Variants in SAMD12 observed in about 807,000 individuals in gnomAD.
The protein encoded by SAMD12 is sterile alpha motif domain-containing protein 12.
Under a neutral mutation model 15.0 loss-of-function variants are expected in SAMD12, and 9 were observed. That is an observed-to-expected ratio of 0.60 (90% CI 0.36 to 1.05). The LOEUF (loss-of-function observed/expected upper bound fraction) is 1.05, where lower values mean the gene tolerates loss of function less well. Among genes scored for constraint, SAMD12 ranks in the 50% least tolerant of loss-of-function variants. The pLI is 0.01. For synonymous variants in SAMD12, 86 were observed against 90.1 expected (o/e 0.96, Z 0.25); for missense variants, 230 against 234.2 (o/e 0.98, Z 0.12).
chr8:118,597,352 A>T (rs1403416982), intron 1 of SAMD12, among the ~76,000 whole-genome samples: 1 of 151,604 alleles, frequency 6.6e-6, no homozygotes, highest in African/African-American at 2.4e-5. Flanking sequence ...ACCAGTGCTG[A>T]CTCCCCCTCA....
At chr8:118,429,224 T>C (rs1388684848) in intron 3 of SAMD12, among the ~76,000 whole-genome samples, 1 of 152,234 alleles carries the variant, frequency 6.6e-6, no homozygotes, top group East Asian at 1.9e-4. Flanking sequence ...AGGATTTTTT[T>C]CTTCATATAG....
chr8:118,598,996 A>T (rs879329497), intron 1 of SAMD12, among the ~76,000 whole-genome samples: 1 of 152,172 alleles, frequency 6.6e-6, no homozygotes, highest in Non-Finnish European at 1.5e-5. Context: ...ATTCTTTACT[A>T]AGTCTGATTT....
chr8:118,294,844 T>C (rs530792107), intron 4 of SAMD12, among the ~76,000 whole-genome samples: 2 of 152,194 alleles, frequency 1.3e-5, no homozygotes, highest in East Asian at 1.9e-4. Context: ...TTAATCTGAT[T>C]AACGGGAATT....
intron 4 of SAMD12, among the ~76,000 whole-genome samples, chr8:118,302,025 AC>A (rs1815058783): frequency 6.7e-6 from 1 of 149,746 alleles, no homozygotes. Context: ...ATACACAGAT[AC>A]TAGATTCAGG....
chr8:118,139,432 C>A, the SAMD12 span, among the ~76,000 whole-genome samples: 1 of 152,194 alleles, frequency 6.6e-6, no homozygotes, highest in Admixed American at 6.5e-5. Flanking sequence ...GATCATAGCT[C>A]TCTGCAGACT....
At chr8:118,334,888 C>T (rs953044993) in intron 4 of SAMD12, among the ~76,000 whole-genome samples, 7 of 152,122 alleles carry the variant, frequency 4.6e-5, no homozygotes, top group Non-Finnish European at 7.3e-5. Flanking sequence ...ACACCATGCC[C>T]GGCTCTCCCT....
chr8:118,169,983 A>G, the SAMD12 span, among the ~76,000 whole-genome samples: 2 of 152,206 alleles, frequency 1.3e-5, no homozygotes, highest in Non-Finnish European at 2.9e-5. Context: ...AGGAAATTTC[A>G]TGTTTGTGGT....
intron 4 of SAMD12, among the ~76,000 whole-genome samples, chr8:118,263,938 A>ATGATGG (rs1487763416): frequency 6.6e-6 from 1 of 152,118 alleles, no homozygotes; most frequent in Non-Finnish European, 1.5e-5. Context: ...TAGCCATGAG[A>ATGATGG]TGATGGTTTT....
At chr8:118,585,898 A>G (rs1196414036) in intron 1 of SAMD12, among the ~76,000 whole-genome samples, 1 of 152,200 alleles carries the variant, frequency 6.6e-6, no homozygotes, top group African/African-American at 2.4e-5. Context: ...TGAGGGGTGC[A>G]TTGGCATCTG....
intron 4 of SAMD12, among the ~76,000 whole-genome samples, chr8:118,247,508 G>A (rs890623963): frequency 1.2e-4 from 18 of 151,798 alleles, no homozygotes; most frequent in African/African-American, 4.1e-4. Context: ...TACTTGTATT[G>A]GAACATCACA....
chr8:118,595,414 G>A (rs1259466254), intron 1 of SAMD12, among the ~76,000 whole-genome samples: 2 of 152,176 alleles, frequency 1.3e-5, no homozygotes, highest in African/African-American at 2.4e-5. Flanking sequence ...TTTTATGGTG[G>A]TGTAAATTAT....
chr8:118,210,565 CTATT>C (rs1411479493), intron 4 of SAMD12, among the ~76,000 whole-genome samples: 1 of 152,146 alleles, frequency 6.6e-6, no homozygotes, highest in Non-Finnish European at 1.5e-5. Flanking sequence ...GAGAGGGATT[CTATT>C]TATTGTTGTC....
intron 4 of SAMD12, among the ~76,000 whole-genome samples, chr8:118,198,073 A>T (rs1283800839): frequency 6.6e-6 from 1 of 152,160 alleles, no homozygotes; most frequent in Non-Finnish European, 1.5e-5. Context: ...AGGTTCATGC[A>T]TTTGCTTGGT....
At chr8:118,236,387 T>C (rs936328831) in intron 4 of SAMD12, among the ~76,000 whole-genome samples, 3 of 152,162 alleles carry the variant, frequency 2.0e-5, no homozygotes, top group Non-Finnish European at 2.9e-5. Flanking sequence ...ATAGTAGCAC[T>C]TTGCCTCAAC....
At chr8:118,426,934 C>A (rs139112170) in intron 3 of SAMD12, among the ~76,000 whole-genome samples, 329 of 152,208 alleles carry the variant, frequency 2.2e-3, no homozygotes, top group Admixed American at 3.4e-3. Flanking sequence ...ATGCTTTCTG[C>A]AATTTAACTT....
chr8:118,308,959 C>T (rs180712816), intron 4 of SAMD12, among the ~76,000 whole-genome samples: 1 of 152,108 alleles, frequency 6.6e-6, no homozygotes, highest in Non-Finnish European at 1.5e-5. Context: ...ACAAAGACTT[C>T]AAGGATAAGA....
chr8:118,178,872 A>G, the SAMD12 span, among the ~76,000 whole-genome samples: 1 of 152,230 alleles, frequency 6.6e-6, no homozygotes, highest in South Asian at 2.1e-4. Context: ...TTTCTTGCTC[A>G]TGTAAAGTCT....
chr8:118,558,815 C>T (rs575877858), intron 2 of SAMD12, among the ~76,000 whole-genome samples: 7 of 152,188 alleles, frequency 4.6e-5, no homozygotes, highest in Admixed American at 1.3e-4. Flanking sequence ...CCTCAGCCTC[C>T]GAAAGTGCTG....
intron 2 of SAMD12, among the ~76,000 whole-genome samples, chr8:118,574,704 G>A (rs773748362): frequency 2.0e-5 from 3 of 152,142 alleles, no homozygotes; most frequent in Non-Finnish European, 1.5e-5. Flanking sequence ...TACATGTACT[G>A]GGGTCCTGGA....
Sources: allele counts gnomAD v4.1 joint callset (sites outside exome capture counted in the v4.1 genomes callset), GRCh38; gene constraint gnomAD v4.1.1; transcripts MANE v1.5; gene names NCBI Gene and HGNC (gene_info 2026-07-23, HGNC 2026-07-21).